SPECC1L: variants seen among roughly 807,000 people sequenced by gnomAD.
SPECC1L encodes sperm antigen with calponin homology and coiled-coil domains 1 like.
SPECC1L carries 40 observed loss-of-function variants against 116.8 expected under a neutral mutation model. That is an observed-to-expected ratio of 0.34 (90% CI 0.27 to 0.45). The LOEUF (loss-of-function observed/expected upper bound fraction) is 0.45. Ranked by LOEUF, SPECC1L falls within the 20% of genes least tolerant of loss-of-function variation. The pLI is 1.00. For synonymous variants in SPECC1L, 504 were observed against 500.6 expected, an observed-to-expected ratio of 1.01 and a Z score of -0.09; for missense variants, 1,110 against 1,373.6, an observed-to-expected ratio of 0.81 and a Z score of 3.03.
chr22:24,404,619 A>G (rs1413211591), intron 14 of SPECC1L, among the ~76,000 whole-genome samples: 1 of 151,910 alleles, frequency 6.6e-6, no homozygotes, highest in Admixed American at 6.6e-5. Context: ...CTCCAGCCCA[A>G]CTTGATACGG....
chr22:24,365,251 G>T (rs1425400224), intron 12 of SPECC1L, among the ~76,000 whole-genome samples: 1 of 152,084 alleles, frequency 6.6e-6, no homozygotes, highest in South Asian at 2.1e-4. Context: ...CAAGTGGTCT[G>T]CCTGCCTCGG....
chr22:24,317,289 G>T (rs1481304995), intron 4 of SPECC1L, among the ~76,000 whole-genome samples: 2 of 117,664 alleles, frequency 1.7e-5, no homozygotes, highest in Admixed American at 8.6e-5. Context: ...CCTCCCGGAC[G>T]GGGCGGCTGG....
intron 13 of SPECC1L, among the ~76,000 whole-genome samples, chr22:24,365,846 CTTT>C (rs202229268): frequency 3.1e-5 from 4 of 130,110 alleles, no homozygotes; most frequent in Non-Finnish European, 3.3e-5. Context: ...GCAGCTGTAT[CTTT>C]TTTTTTTTTT....
intron 2 of SPECC1L, among the ~76,000 whole-genome samples, chr22:24,301,580 ATTTAT>A: frequency 6.6e-6 from 1 of 152,314 alleles, no homozygotes; most frequent in Non-Finnish European, 1.5e-5. Flanking sequence ...ATCTTATGTA[ATTTAT>A]TGAGTACAGT....
chr22:24,348,367 A>G (rs115528915), intron 11 of SPECC1L, among the ~76,000 whole-genome samples: 3,740 of 152,324 alleles, frequency 0.025, 180 homozygotes, highest in African/African-American at 0.086. Flanking sequence ...TGTGGGCTCC[A>G]TGTAGTACCA....
intron 5 of SPECC1L, 121 bp downstream of exon 5, chr22:24,323,039 A>G (rs768824854): frequency 6.8e-5 from 97 of 1,430,524 alleles, no homozygotes; most frequent in Middle Eastern, 2.1e-4. Context: ...TTTAAAACTG[A>G]TATTTTTAAA....
Position 24,313,967 on chromosome 22 carries a change from G to A in SPECC1L, c.307+501G>A, listed in dbSNP as rs1286289159. Among the ~76,000 whole-genome samples, 5 of 152,106 alleles carry A rather than the reference G, an allele frequency of 3.3e-5. No homozygotes were observed. The East Asian group carries it at 9.6e-4, about 29-fold the overall frequency. On this transcript the variant is annotated intron_variant, in intron 4 of 16. Transcript: ENST00000314328. ...TTGGTCAGGCTGGTCTCGAACTCCT[G>A]ACCTTGTGATCTGCCTGCCTTGGCC...
intron 14 of SPECC1L, among the ~76,000 whole-genome samples, chr22:24,382,077 A>G (rs2042072822): frequency 6.6e-6 from 1 of 152,240 alleles, no homozygotes; most frequent in African/African-American, 2.4e-5. Context: ...TTATAAAAGA[A>G]TATCAGACCA....
At chr22:24,364,444 C>G (rs2041710671) in intron 12 of SPECC1L, among the ~76,000 whole-genome samples, 1 of 151,914 alleles carries the variant, frequency 6.6e-6, no homozygotes, top group South Asian at 2.1e-4. Context: ...GGGCGGATCA[C>G]CTGAGGTCAG....
chr22:24,294,532 C>T (rs2049221213), intron 2 of SPECC1L, among the ~76,000 whole-genome samples: 1 of 151,592 alleles, frequency 6.6e-6, no homozygotes, highest in South Asian at 2.1e-4. Flanking sequence ...CAGGCACGCA[C>T]CACCACACCC....
intron 3 of SPECC1L, among the ~76,000 whole-genome samples, chr22:24,308,887 A>G (rs2146427839): frequency 6.6e-6 from 1 of 152,220 alleles, no homozygotes; most frequent in South Asian, 2.1e-4. Context: ...AATTATTAGG[A>G]TCATTTAGTT....
chr22:24,333,004 G>A (rs1264460422), intron 8 of SPECC1L, among the ~76,000 whole-genome samples: 3 of 152,126 alleles, frequency 2.0e-5, no homozygotes, highest in Admixed American at 1.3e-4. Context: ...CTAGGTGAGC[G>A]GATCACCTGC....
At chr22:24,411,768 GCAGCACCTGCCT>G (rs2042703388) in intron 15 of SPECC1L, 64 bp downstream of exon 15, 3 of 1,333,454 alleles carry the variant, frequency 2.2e-6, no homozygotes, top group African/African-American at 2.9e-5. Context: ...AGAACCAAGG[GCAGCACCTGCCT>G]CAGCAGGTCA....
chr22:24,279,199 G>A (rs1374701421), intron 2 of SPECC1L, among the ~76,000 whole-genome samples: 3 of 152,054 alleles, frequency 2.0e-5, no homozygotes, highest in Non-Finnish European at 2.9e-5. Flanking sequence ...AATTGTTGAC[G>A]CTATAATTTA....
intron 2 of SPECC1L, among the ~76,000 whole-genome samples, chr22:24,282,108 G>A (rs891271139): frequency 1.1e-4 from 16 of 152,182 alleles, no homozygotes; most frequent in African/African-American, 3.6e-4. Flanking sequence ...TCCGTTCCTG[G>A]GTGGGGGCCA....
chr22:24,390,852 CTTTTTTTTTTTTTTCTTTTCTTTTTTT>C lies in SPECC1L; in HGVS notation c.3088-20721_3088-20695del, dbSNP rs2042249600. On this transcript the variant is annotated intron_variant, in intron 14 of 16. Transcript: ENST00000314328. ...CAGGGCTCTTCTTGGGCCTGTGTTC[CTTTTTTTTTTTTTTCTTTTCTTTTTTT>C]TTTTTTTTTTTTTTTTTTTGAGTCA... Among the ~76,000 whole-genome samples, 3 of 48,584 alleles carry C rather than the reference CTTTTTTTTTTTTTTCTTTTCTTTTTTT, an allele frequency of 6.2e-5. 1 individual carries two copies. Among genetic ancestry groups the C allele is most frequent in the South Asian group, 1.2e-3 (2 of 1,634 alleles). The allele number at this position is 48,584 out of a possible 152,430, so 31.9% of individuals were successfully genotyped here. A position where few individuals can be genotyped will look rare whatever the true frequency, so the allele number is the denominator to read the frequency against.
chr22:24,324,556 C>T (rs1005323096), intron 6 of SPECC1L, 129 bp downstream of exon 6: 9 of 838,016 alleles, frequency 1.1e-5, no homozygotes, highest in African/African-American at 1.7e-5. Context: ...TTTGGGAGTT[C>T]AAAACCGAAC....
intron 14 of SPECC1L, among the ~76,000 whole-genome samples, chr22:24,398,249 A>G (rs1176177301): frequency 6.6e-6 from 1 of 152,262 alleles, no homozygotes; most frequent in Non-Finnish European, 1.5e-5. Flanking sequence ...AGAAGAGGAC[A>G]GGATGTGTTG....
chr22:24,331,990 A>C (rs1404200350), intron 8 of SPECC1L, among the ~76,000 whole-genome samples: 1 of 152,258 alleles, frequency 6.6e-6, no homozygotes, highest in African/African-American at 2.4e-5. Context: ...ACTCAAGACT[A>C]TACTGAAGAG....
Sources: allele counts gnomAD v4.1 joint callset (sites outside exome capture counted in the v4.1 genomes callset), GRCh38; gene constraint gnomAD v4.1.1; transcripts MANE v1.5; gene names NCBI Gene and HGNC (gene_info 2026-07-23, HGNC 2026-07-21).